Variants in DIP2C observed in about 807,000 individuals in gnomAD.
The protein encoded by DIP2C is DIP2 acetate--CoA ligase C (putative).
DIP2C carries 33 observed loss-of-function variants against 192.4 expected under a neutral mutation model. The observed-to-expected ratio is 0.17, with a 90% CI of 0.13 to 0.23. The LOEUF (loss-of-function observed/expected upper bound fraction) is 0.23. DIP2C is among the 10% of genes least tolerant of loss of function. The pLI, the probability that DIP2C is intolerant of heterozygous loss-of-function variation, is 1.00. For synonymous variants in DIP2C, 979 were observed against 864.1 expected, an observed-to-expected ratio of 1.13 and a Z score of -2.33; for missense variants, 1,537 against 2,110.1, an observed-to-expected ratio of 0.73 and a Z score of 5.32.
At chr10:685,810 A>G (rs1003396298) in intron 1 of DIP2C, among the ~76,000 whole-genome samples, 7 of 152,076 alleles carry the variant, frequency 4.6e-5, no homozygotes, top group Non-Finnish European at 7.4e-5. Context: ...AAGGTACAAA[A>G]ATTAGCCAGG....
Position 526,561 on chromosome 10 carries a change from A to G in DIP2C, c.86-40031T>C, listed in dbSNP as rs375678748. ...AAAAAAAAAAAATCCGTGGCATTTA[A>G]TAAAAAATTCTTTTATGTTAGTTTT... On this transcript the variant is annotated intron_variant, in intron 1 of 36. Transcript: ENST00000280886. Among the ~76,000 whole-genome samples the G allele has an allele frequency of 1.2e-3, 177 of 151,738 alleles. 1 individual carries two copies. The highest frequency in any genetic ancestry group is 4.1e-3 in the African/African-American group (168 of 41,370).
At chr10:622,619 T>C (rs1404746656) in intron 1 of DIP2C, among the ~76,000 whole-genome samples, 1 of 152,122 alleles carries the variant, frequency 6.6e-6, no homozygotes, top group East Asian at 1.9e-4. Context: ...CCTTGCCCTT[T>C]CGCCGATGGG....
chr10:580,109 A>G (rs1359792656), intron 1 of DIP2C, among the ~76,000 whole-genome samples: 2 of 152,180 alleles, frequency 1.3e-5, no homozygotes, highest in Non-Finnish European at 2.9e-5. Flanking sequence ...GTATGTACAT[A>G]GGTATAACAT....
intron 32 of DIP2C, among the ~76,000 whole-genome samples, chr10:297,236 C>CA (rs1955801987): frequency 1.4e-5 from 1 of 73,352 alleles, no homozygotes; most frequent in Non-Finnish European, 2.4e-5. Flanking sequence ...CCCCACCCCA[C>CA]CACATACACA....
intron 13 of DIP2C, among the ~76,000 whole-genome samples, chr10:389,136 T>C (rs1436431175): frequency 1.8e-5 from 2 of 110,152 alleles, no homozygotes; most frequent in Non-Finnish European, 3.6e-5. Context: ...CCAAGGGATC[T>C]CAGGGGCATG....
rs548997297 is a variant in DIP2C, at chr10:495,695, A to T, written c.86-9165T>A. Reference sequence around the variant, plus strand: ...CCTGATAGAAAATGGCTCAGCATTTACATAGAACCCACATGTGCCCTCCCG... The same window carrying T: ...CCTGATAGAAAATGGCTCAGCATTTTCATAGAACCCACATGTGCCCTCCCG... On this transcript the variant is annotated intron_variant, in intron 1 of 36. Coordinates refer to ENST00000280886, the MANE Select transcript of DIP2C (RefSeq NM_014974.3). 7.9e-5 allele frequency among the ~76,000 whole-genome samples: 12 copies of T among 152,278 alleles called. No homozygotes were observed. The East Asian group carries it at 2.3e-3, about 29-fold the overall frequency.
At chr10:401,578 CTATTTTACA>C (rs1564665225) in intron 9 of DIP2C, among the ~76,000 whole-genome samples, 38 of 3,218 alleles carry the variant, frequency 0.012, no homozygotes, top group East Asian at 0.14. Context: ...CACATGAATC[CTATTTTACA>C]TGTGTGGTAG....
intron 1 of DIP2C, among the ~76,000 whole-genome samples, chr10:612,291 C>CAA (rs138521910): frequency 1.9e-3 from 266 of 141,732 alleles, no homozygotes; most frequent in African/African-American, 5.1e-3. Context: ...GACTCCGTCT[C>CAA]AAAAAAAAAA....
intron 1 of DIP2C, among the ~76,000 whole-genome samples, chr10:531,226 C>T (rs1267244464): frequency 2.0e-5 from 3 of 152,142 alleles, no homozygotes; most frequent in Non-Finnish European, 4.4e-5. Context: ...AACATTCAGA[C>T]ATTCCACAAT....
At chr10:377,398 C>T (rs1489315217) in intron 17 of DIP2C, among the ~76,000 whole-genome samples, 1 of 152,178 alleles carries the variant, frequency 6.6e-6, no homozygotes, top group Non-Finnish European at 1.5e-5. Flanking sequence ...ACAGAACACA[C>T]TGTAAAACGC....
At chr10:308,825 A>T (rs1297828725) in intron 32 of DIP2C, among the ~76,000 whole-genome samples, 1 of 152,170 alleles carries the variant, frequency 6.6e-6, no homozygotes, top group Non-Finnish European at 1.5e-5. Flanking sequence ...TGCATCTACG[A>T]GTGTGAACCG....
rs149497432 is a variant in DIP2C at position 357,437 on chromosome 10, C to T, written c.2904+391G>A. Among the ~76,000 whole-genome samples the T allele has an allele frequency of 1.4e-3, 217 of 152,268 alleles. 1 individual carries two copies. Among genetic ancestry groups the T allele is most frequent in the South Asian group, 0.014 (67 of 4,826 alleles). ...ACTAGAAAGGAGTAGTTCAGGGGAC[C>T]GTGCGCGGGACAAGGACTGCCAGAC... On this transcript the variant is annotated intron_variant, in intron 23 of 36. Coordinates refer to ENST00000280886, the MANE Select transcript of DIP2C (RefSeq NM_014974.3).
chr10:628,039 C>T (rs1201050066), intron 1 of DIP2C, among the ~76,000 whole-genome samples: 3 of 152,230 alleles, frequency 2.0e-5, no homozygotes, highest in African/African-American at 4.8e-5. Context: ...CAGTTTTCGG[C>T]ACTTTAATGC....
rs149562355 is a variant in DIP2C at position 539,577 on chromosome 10, A to G, written c.86-53047T>C. ...CTGTGGAATGGCTATAATAGAAAAT[A>G]TAGAGGTTTTAAAAAGTTATGTACT... On this transcript the variant is annotated intron_variant, in intron 1 of 36. Transcript: ENST00000280886. Among the ~76,000 whole-genome samples the G allele has an allele frequency of 1.4e-3, 214 of 152,342 alleles. 2 individuals are homozygous for G. The highest frequency in any genetic ancestry group is 4.9e-3 in the African/African-American group (205 of 41,586).
Position 595,060 on chromosome 10 carries a change from C to T in DIP2C, c.85+94434G>A, listed in dbSNP as rs1588550596. 2.0e-5 allele frequency among the ~76,000 whole-genome samples: 3 copies of T among 152,340 alleles called. 1 individual carries two copies. Among genetic ancestry groups the T allele is most frequent in the Admixed American group, 2.0e-4 (3 of 15,304 alleles). ...CCGATGCCCGTTCACATCCACCGAC[C>T]CGCAGGTCTTCTACATGGCATCAGC... On this transcript the variant is annotated intron_variant, in intron 1 of 36. Transcript: ENST00000280886.
At chr10:314,603 A>G (rs1956698308) in intron 31 of DIP2C, among the ~76,000 whole-genome samples, 1 of 152,186 alleles carries the variant, frequency 6.6e-6, no homozygotes. Flanking sequence ...TCTCCTGCAC[A>G]TGGGAAGGCA....
chr10:524,803 T>C (rs1846952650), intron 1 of DIP2C, among the ~76,000 whole-genome samples: 1 of 152,142 alleles, frequency 6.6e-6, no homozygotes, highest in African/African-American at 2.4e-5. Context: ...CATTTTTAAA[T>C]ACCATCACTG....
At chr10:451,361 A>G (rs998368677) in intron 3 of DIP2C, among the ~76,000 whole-genome samples, 4 of 152,200 alleles carry the variant, frequency 2.6e-5, no homozygotes, top group Non-Finnish European at 5.9e-5. Context: ...AAACACTCAC[A>G]GGGTATTATC....
chr10:424,355 G>GTT lies in DIP2C; in HGVS notation c.395-1324_395-1323dup, dbSNP rs557255878. Reference sequence around the variant, plus strand: ...GCCTGAAAATTCTCTATCACCTTGGGTTTTTTTTTTTTTTTTTTTTTTTTT... The same window carrying GTT: ...GCCTGAAAATTCTCTATCACCTTGGGTTTTTTTTTTTTTTTTTTTTTTTTTTT... On this transcript the variant is annotated intron_variant, in intron 4 of 36. Transcript: ENST00000280886. Among the ~76,000 whole-genome samples the GTT allele has an allele frequency of 7.3e-3, 609 of 83,122 alleles. 45 individuals are homozygous for GTT. The highest frequency in any genetic ancestry group is 0.013 in the African/African-American group (294 of 22,136). 54.5% of individuals were successfully genotyped at this position (83,122 alleles called of 152,430 possible).
Sources: allele counts gnomAD v4.1 joint callset (sites outside exome capture counted in the v4.1 genomes callset), GRCh38; gene constraint gnomAD v4.1.1; transcripts MANE v1.5; gene names NCBI Gene and HGNC (gene_info 2026-07-23, HGNC 2026-07-21).